The following ANKRD12 variants were observed in gnomAD, a reference collection of about 807,000 sequenced individuals.
The protein encoded by ANKRD12 is ankyrin repeat domain-containing protein 12.
In ANKRD12, 85 loss-of-function variants were observed where a neutral mutation model predicts 183.4. That is an observed-to-expected ratio of 0.46 (90% CI 0.39 to 0.56). The LOEUF is 0.56. ANKRD12 is among the 20% of genes least tolerant of loss of function. The pLI, the probability that ANKRD12 is intolerant of heterozygous loss-of-function variation, is 0.00. For missense variants in ANKRD12, 2,405 were observed against 2,357.1 expected, an observed-to-expected ratio of 1.02 and a Z score of -0.42; for synonymous variants, 914 against 800.2, an observed-to-expected ratio of 1.14 and a Z score of -2.40.
intron 1 of ANKRD12, among the ~76,000 whole-genome samples, chr18:9,178,073 C>T (rs1365705217): frequency 6.6e-6 from 1 of 152,200 alleles, no homozygotes; most frequent in Non-Finnish European, 1.5e-5. Context: ...GCATGGCTGG[C>T]TTTTCATTTT....
intron 8 of ANKRD12, among the ~76,000 whole-genome samples, chr18:9,237,482 C>T (rs2037411640): frequency 6.6e-6 from 1 of 151,956 alleles, no homozygotes; most frequent in African/African-American, 2.4e-5. Flanking sequence ...TTTTTAGGGG[C>T]AAAAAATATA....
At chr18:9,248,246 A>G (rs528333447) in intron 8 of ANKRD12, among the ~76,000 whole-genome samples, 1 of 152,246 alleles carries the variant, frequency 6.6e-6, no homozygotes, top group Admixed American at 6.5e-5. Flanking sequence ...GTTCTGATCA[A>G]TTTTCTTAAT....
intron 8 of ANKRD12, among the ~76,000 whole-genome samples, chr18:9,231,490 T>A (rs1161686268): frequency 6.6e-6 from 1 of 152,200 alleles, no homozygotes; most frequent in African/African-American, 2.4e-5. Context: ...TATCATTATA[T>A]GATTACCTTT....
chr18:9,167,670 C>A (rs2032226914), intron 1 of ANKRD12, among the ~76,000 whole-genome samples: 1 of 152,138 alleles, frequency 6.6e-6, no homozygotes, highest in Non-Finnish European at 1.5e-5. Flanking sequence ...CAAACAGGGA[C>A]AATTTGACTT....
chr18:9,263,644 C>T, intron 9 of ANKRD12, 146 bp from the exon 10 acceptor site: 1 of 453,234 alleles, frequency 2.2e-6, no homozygotes, highest in Non-Finnish European at 3.7e-6. Flanking sequence ...AAGTAACAAT[C>T]AGTTCTATAA....
intron 8 of ANKRD12, among the ~76,000 whole-genome samples, chr18:9,251,755 C>G (rs995122356): frequency 5.3e-5 from 8 of 152,024 alleles, no homozygotes; most frequent in African/African-American, 1.9e-4. Flanking sequence ...GATCACGCCA[C>G]TGCACTCCAC....
chr18:9,144,029 T>C (rs1406512798), intron 1 of ANKRD12, among the ~76,000 whole-genome samples: 2 of 152,342 alleles, frequency 1.3e-5, no homozygotes, highest in East Asian at 3.9e-4. Flanking sequence ...GTTATTAAAC[T>C]TAAAAATTAT....
intron 8 of ANKRD12, among the ~76,000 whole-genome samples, chr18:9,240,974 G>A (rs138906907): frequency 6.6e-6 from 1 of 151,936 alleles, no homozygotes; most frequent in Non-Finnish European, 1.5e-5. Flanking sequence ...TATATTTCAG[G>A]AACTATGAAA....
chr18:9,146,780 G>A (rs931112986), intron 1 of ANKRD12, among the ~76,000 whole-genome samples: 3 of 152,156 alleles, frequency 2.0e-5, no homozygotes, highest in African/African-American at 7.2e-5. Context: ...CCAGTTTAAA[G>A]TGTGTTTTCC....
chr18:9,243,100 T>A (rs1386342441), intron 8 of ANKRD12, among the ~76,000 whole-genome samples: 1 of 152,240 alleles, frequency 6.6e-6, no homozygotes, highest in Non-Finnish European at 1.5e-5. Context: ...TAAAGACTTG[T>A]TTCCCAAAGT....
At position 9,257,228 on chromosome 18, in the gene ANKRD12, A is replaced by C. The variant is rs779789194; in HGVS notation, c.3961A>C (p.Lys1321Gln). Reference protein sequence around the residue: ...SMPSVICEHTKQFQTISEESN... With the variant: ...SMPSVICEHTQQFQTISEESN... The stretch of plus-strand genomic sequence containing the variant: ...GCCTTCTGTCATTTGTGAACATACC[A>C]AACAATTCCAAACAATATCAGAAGA... The change falls in exon 9 of 13, where the codon AAA (lysine) becomes CAA (glutamine). Residue 1321 changes from lysine to glutamine, a missense_variant. Physicochemically the swap from Lys to Gln is moderately conservative, Grantham distance 53. This residue lies in a region of ANKRD12 where 1,983 missense variants were observed against 1,725.9 expected (regional missense o/e 1.15). Coordinates refer to ENST00000262126, the MANE Select transcript of ANKRD12 (RefSeq NM_015208.5). 1 of 1,614,134 alleles carries C rather than the reference A, an allele frequency of 6.2e-7. No individual in the cohort carries two copies. Among genetic ancestry groups the C allele is most frequent in the East Asian group, 2.2e-5 (1 of 44,882 alleles).
At chr18:9,179,842 G>T (rs1447354420) in intron 1 of ANKRD12, among the ~76,000 whole-genome samples, 1 of 152,108 alleles carries the variant, frequency 6.6e-6, no homozygotes, top group Non-Finnish European at 1.5e-5. Flanking sequence ...TATTGTCTAC[G>T]AGCAAACTTT....
At chr18:9,206,397 T>A (rs1445115828) in intron 4 of ANKRD12, among the ~76,000 whole-genome samples, 1 of 151,980 alleles carries the variant, frequency 6.6e-6, no homozygotes, top group African/African-American at 2.4e-5. Flanking sequence ...TATATTATCA[T>A]TTTTTTACTT....
intron 1 of ANKRD12, among the ~76,000 whole-genome samples, chr18:9,169,917 A>T (rs568399621): frequency 2.0e-5 from 3 of 152,178 alleles, no homozygotes; most frequent in African/African-American, 4.8e-5. Context: ...GGTAGTGACA[A>T]AATCTCTCAG....
At chr18:9,214,078 A>G (rs754104911) in intron 6 of ANKRD12, among the ~76,000 whole-genome samples, 18 of 151,994 alleles carry the variant, frequency 1.2e-4, no homozygotes, top group Non-Finnish European at 2.2e-4. Flanking sequence ...TTTTCAGTAA[A>G]TATATTTGAA....
At chr18:9,168,535 A>G (rs1488030401) in intron 1 of ANKRD12, among the ~76,000 whole-genome samples, 1 of 152,128 alleles carries the variant, frequency 6.6e-6, no homozygotes, top group Non-Finnish European at 1.5e-5. Context: ...CTCTGATAGT[A>G]GTTTGTATTT....
At chr18:9,237,423 G>C (rs2037408950) in intron 8 of ANKRD12, among the ~76,000 whole-genome samples, 1 of 152,144 alleles carries the variant, frequency 6.6e-6, no homozygotes, top group African/African-American at 2.4e-5. Flanking sequence ...CATGCTTCAT[G>C]ATCTAGCAGT....
Position 9,221,965 on chromosome 18 carries a change from G to A in ANKRD12, c.909G>A (p.Glu303=). The A allele has an allele frequency of 6.2e-7, 1 of 1,613,894 alleles. No homozygotes were observed. The highest frequency in any genetic ancestry group is 8.5e-7 in the Non-Finnish European group (1 of 1,179,882). ...AGTTGGAGTTGCTACTAAAAAGAGA[G>A]GTGCCTTTATCTGATGATGATGAAA... The part of the protein sequence containing the change: ...TEELELLLKR[E]VPLSDDDESY... Residue 303 remains glutamate, a synonymous_variant, in exon 8 of 13, where the codon GAG becomes GAA. Transcript: ENST00000262126.
At chr18:9,219,745 C>A (rs993633227) in intron 7 of ANKRD12, among the ~76,000 whole-genome samples, 1 of 149,686 alleles carries the variant, frequency 6.7e-6, no homozygotes, top group Non-Finnish European at 1.5e-5. Context: ...AACACAGAAT[C>A]CTAGAAAGAA....
Sources: gnomAD v4.1 joint callset for allele counts (sites outside exome capture counted in the v4.1 genomes callset) on GRCh38, gnomAD v4.1.1 for gene constraint, gnomAD v4.1.1 regional missense constraint, MANE v1.5 for transcripts, NCBI Gene and HGNC (gene_info 2026-07-23, HGNC 2026-07-21) for gene names.